GSTA2: variants seen among roughly 807,000 people sequenced by gnomAD.
The protein encoded by GSTA2 is glutathione S-transferase alpha 2.
In GSTA2, 27 loss-of-function variants were observed where a neutral mutation model predicts 22.4. That is an observed-to-expected ratio of 1.21 (90% CI 0.89 to 1.67). GSTA2 has a LOEUF of 1.67. Among genes scored for constraint, GSTA2 ranks in the 40% most tolerant of loss-of-function variants. The pLI, the probability that GSTA2 is intolerant of heterozygous loss-of-function variation, is 0.00. For missense variants in GSTA2, 302 were observed against 260.2 expected, an observed-to-expected ratio of 1.16 and a Z score of -1.11; for synonymous variants, 121 against 86.8, an observed-to-expected ratio of 1.39 and a Z score of -2.19.
At chr6:52,760,859 G>A (rs1243141885) in intron 1 of GSTA2, among the ~76,000 whole-genome samples, 1 of 152,104 alleles carries the variant, frequency 6.6e-6, no homozygotes, top group Non-Finnish European at 1.5e-5. Context: ...AAACCAGAGT[G>A]AGTTGAGGAC....
rs1190882451 is a variant in GSTA2 at position 52,752,972 on chromosome 6, A to G, written c.296T>C (p.Ile99Thr). 5 of 1,612,852 alleles carry G rather than the reference A, an allele frequency of 3.1e-6. No homozygotes were observed. Among genetic ancestry groups the G allele is most frequent in the Non-Finnish European group, 4.2e-6 (5 of 1,179,108 alleles). Reference protein sequence around the residue: ...KALIDMYIEGIADLGEMILLL... With the variant: ...KALIDMYIEGTADLGEMILLL... Reference sequence around the variant, plus strand: ...AAGGATCATTTCACCCAAATCTGCTATACCTTCTATATACATATCAATCCT... The same window carrying G: ...AAGGATCATTTCACCCAAATCTGCTGTACCTTCTATATACATATCAATCCT... Residue 99 changes from isoleucine to threonine, a missense_variant, in exon 5 of 7, where the codon ATA becomes ACA. Coordinates refer to ENST00000493422, the MANE Select transcript of GSTA2 (RefSeq NM_000846.5).
At chr6:52,753,931 A>T (rs913285481) in intron 4 of GSTA2, among the ~76,000 whole-genome samples, 5 of 152,306 alleles carry the variant, frequency 3.3e-5, no homozygotes, top group Middle Eastern at 3.4e-3. Context: ...TTCTACCTCT[A>T]TGGATTTGAA....
chr6:52,758,843 C>T (rs554784808), intron 1 of GSTA2, among the ~76,000 whole-genome samples: 5 of 152,214 alleles, frequency 3.3e-5, no homozygotes, highest in African/African-American at 1.2e-4. Flanking sequence ...CAGTCACACA[C>T]TGATCATTCT....
chr6:52,751,377 A>G lies in GSTA2; in HGVS notation c.546+200T>C, dbSNP rs115346968. On this transcript the variant is annotated intron_variant, in intron 6 of 6. Coordinates refer to ENST00000493422, the MANE Select transcript of GSTA2 (RefSeq NM_000846.5). The stretch of plus-strand genomic sequence containing the variant: ...GGCAAAATACTCTTTGCGGGGTAGC[A>G]TGCACTACAAATTTCCTTTCCATAA... 1.5e-3 allele frequency among the ~76,000 whole-genome samples: 233 copies of G among 152,324 alleles called. 1 individual carries two copies. Among genetic ancestry groups the G allele is most frequent in the African/African-American group, 5.4e-3 (223 of 41,576 alleles).
chr6:52,751,542 G>A (rs377238018), intron 6 of GSTA2, 35 bp downstream of exon 6: 4 of 1,613,132 alleles, frequency 2.5e-6, no homozygotes, highest in African/African-American at 1.3e-5. Flanking sequence ...TGGGAGATGT[G>A]GGTCTGCCTC....
At chr6:52,759,862 G>A (rs1262704337) in intron 1 of GSTA2, among the ~76,000 whole-genome samples, 2 of 152,000 alleles carry the variant, frequency 1.3e-5, no homozygotes, top group Admixed American at 6.6e-5. Flanking sequence ...GGGATTACAG[G>A]CATGAGCCAC....
intron 1 of GSTA2, among the ~76,000 whole-genome samples, chr6:52,760,064 T>C (rs1452315696): frequency 6.6e-6 from 1 of 152,208 alleles, no homozygotes; most frequent in Non-Finnish European, 1.5e-5. Context: ...TTGTACTTTC[T>C]ATGATAACTC....
rs768425193 is a variant in GSTA2 at position 52,755,036 on chromosome 6, A to T, written c.179T>A (p.Ile60Asn). 1.9e-6 allele frequency: 3 copies of T among 1,613,930 alleles called. No homozygotes were observed. The African/African-American group carries it at 4.0e-5, about 22-fold the overall frequency. ...GGTCTGCACCAGCTTCATCCCATCA[A>T]TCTCAACCATTGGCACTTGCTGGAA... ...LMFQQVPMVE[I>N]DGMKLVQTRA... is the part of the protein sequence containing the mutation. The change falls in exon 4 of 7, where the codon ATT becomes AAT. Residue 60 changes from isoleucine (I) to asparagine (N), a missense_variant. Ile to Asn is a moderately radical substitution (Grantham distance 149). Coordinates refer to ENST00000493422, the MANE Select transcript of GSTA2 (RefSeq NM_000846.5).
intron 1 of GSTA2, among the ~76,000 whole-genome samples, chr6:52,760,986 G>C (rs946396544): frequency 2.0e-5 from 3 of 152,140 alleles, no homozygotes; most frequent in African/African-American, 7.2e-5. Context: ...ACGTCTCTGA[G>C]GTTGTCCCAG....
At chr6:52,758,559 G>A (rs1489805905) in intron 1 of GSTA2, among the ~76,000 whole-genome samples, 2 of 152,176 alleles carry the variant, frequency 1.3e-5, no homozygotes, top group African/African-American at 4.8e-5. Context: ...ACCAGAGGAT[G>A]TCACTGACAG....
intron 6 of GSTA2, 65 bp downstream of exon 6, chr6:52,751,512 C>A: frequency 1.2e-6 from 2 of 1,610,462 alleles, no homozygotes; most frequent in Admixed American, 1.7e-5. Flanking sequence ...GTCCCAGGGC[C>A]CAGATACAAG....
chr6:52,754,213 G>A (rs1425551134), intron 4 of GSTA2, among the ~76,000 whole-genome samples: 1 of 152,214 alleles, frequency 6.6e-6, no homozygotes, highest in African/African-American at 2.4e-5. Context: ...TAGTGTGGAT[G>A]TATTTTCGAT....
intron 3 of GSTA2, among the ~76,000 whole-genome samples, chr6:52,755,575 T>G (rs1346893066): frequency 6.6e-6 from 1 of 152,200 alleles, no homozygotes; most frequent in Admixed American, 6.5e-5. Flanking sequence ...CTTTTAGTTT[T>G]TATCCATTTA....
intron 5 of GSTA2, 106 bp downstream of exon 5, chr6:52,752,748 G>A: frequency 7.1e-7 from 1 of 1,412,298 alleles, no homozygotes; most frequent in Non-Finnish European, 1.0e-6. Flanking sequence ...TTGGTGTCCA[G>A]GAAGTATCAC....
chr6:52,752,185 C>T (rs1296810706), intron 5 of GSTA2, among the ~76,000 whole-genome samples: 1 of 152,218 alleles, frequency 6.6e-6, no homozygotes, highest in Non-Finnish European at 1.5e-5. Context: ...CTGTTCTCCT[C>T]ATTCCCTGCT....
In GSTA2 at chr6:52,757,429, A is replaced by G. The variant is rs546118013; in HGVS notation, c.87+432T>C. On this transcript the variant is annotated intron_variant, in intron 2 of 6. Transcript: ENST00000493422. ...AATTCCAAGGAAATCCCAGATCCAT[A>G]TGATTAATCCTTAAATACTTCAATG... 1.2e-4 allele frequency among the ~76,000 whole-genome samples: 18 copies of G among 148,094 alleles called. 1 individual carries two copies. The highest frequency in any genetic ancestry group is 2.4e-4 in the Non-Finnish European group (16 of 67,090).
In GSTA2 at chr6:52,750,616, C is replaced by G. The variant is rs768379019; in HGVS notation, c.630G>C (p.Glu210Asp). Residue 210 changes from glutamate to aspartate, a missense_variant, in exon 7 of 7, where the codon GAG becomes GAC. Coordinates refer to ENST00000493422, the MANE Select transcript of GSTA2 (RefSeq NM_000846.5). ...PGSPRKPPMD[E>D]KSLEESRKIF... is the part of the protein sequence containing the mutation. ...TCTTCCTTGATTCTTCTAAAGATTT[C>G]TCATCCATGGGAGGCTTCCTTGGGC... is the stretch of plus-strand genomic sequence containing the variant. 1 of 1,613,876 alleles carries G rather than the reference C, an allele frequency of 6.2e-7. No individual in the cohort carries two copies. Among genetic ancestry groups the G allele is most frequent in the Non-Finnish European group, 8.5e-7 (1 of 1,179,850 alleles).
chr6:52,758,031 T>C, intron 1 of GSTA2, 54 bp from the exon 2 acceptor site: 1 of 1,091,162 alleles, frequency 9.2e-7, no homozygotes, highest in Non-Finnish European at 1.4e-6. Flanking sequence ...GAATCAAAAA[T>C]GTACTTTAGG....
In GSTA2 at chr6:52,750,658, C is replaced by T; in HGVS notation, c.588G>A (p.Lys196=). ...TRISNLPTVK[K]FLQPGSPRKP... The stretch of plus-strand genomic sequence containing the variant: ...TCCTTGGGCTGCCAGGCTGTAGAAA[C>T]TTCTTCACTGTGGGCAGGTTACTGA... The change falls in exon 7 of 7, where the codon AAG becomes AAA. Residue 196 remains lysine, a synonymous_variant. Transcript: ENST00000493422. 3 of 1,613,418 alleles carry T rather than the reference C, an allele frequency of 1.9e-6. No individual in the cohort carries two copies. Among genetic ancestry groups the T allele is most frequent in the Non-Finnish European group, 1.7e-6 (2 of 1,179,812 alleles).
Sources: allele counts gnomAD v4.1 joint callset (sites outside exome capture counted in the v4.1 genomes callset), GRCh38; gene constraint gnomAD v4.1.1; transcripts MANE v1.5; gene names NCBI Gene and HGNC (gene_info 2026-07-23, HGNC 2026-07-21).